Variants in STAB2 observed in about 807,000 individuals in gnomAD.
STAB2 encodes stabilin 2, also known as stabilin-2.
In STAB2, 288 loss-of-function variants were observed where a neutral mutation model predicts 338.1. The ratio of observed to expected loss-of-function variants is 0.85; its 90% CI spans 0.77 to 0.94. STAB2 has a LOEUF of 0.94. Among genes scored for constraint, STAB2 ranks in the 40% least tolerant of loss-of-function variants. STAB2 has a pLI of 0.00. For missense variants in STAB2, 3,141 were observed against 3,210.1 expected (o/e 0.98, Z 0.52); for synonymous variants, 1,202 against 1,193.3 (o/e 1.01, Z -0.15).
rs556520936 is a variant in STAB2 at position 103,655,398 on chromosome 12, A to G, written c.1609-58A>G. On this transcript the variant is annotated intron_variant, in intron 14 of 68. Coordinates refer to ENST00000388887, the MANE Select transcript of STAB2 (RefSeq NM_017564.10). ...GTCAATTATAAATTTCTGGCGAATT[A>G]TGTTAAATATTTGTCCAAGGTAGGC... 11 of 1,606,062 alleles carry G rather than the reference A, an allele frequency of 6.8e-6. No individual in the cohort carries two copies. The African/African-American group carries it at 1.1e-4, about 16-fold the overall frequency.
intron 59 of STAB2, among the ~76,000 whole-genome samples, chr12:103,749,500 A>G (rs1883394306): frequency 6.6e-6 from 1 of 151,996 alleles, no homozygotes; most frequent in Admixed American, 6.6e-5. Flanking sequence ...CCACCCTTCT[A>G]TCTATCTAAA....
intron 65 of STAB2, among the ~76,000 whole-genome samples, chr12:103,759,636 T>TA (rs1884394542): frequency 6.6e-6 from 1 of 152,234 alleles, no homozygotes; most frequent in Admixed American, 6.5e-5. Flanking sequence ...TGTAAGGACT[T>TA]AAACAAGTTA....
At chr12:103,605,654 G>A (rs1180503353) in intron 3 of STAB2, among the ~76,000 whole-genome samples, 2 of 151,730 alleles carry the variant, frequency 1.3e-5, no homozygotes, top group Non-Finnish European at 2.9e-5. Flanking sequence ...CTCTTATTAG[G>A]TCAATACATA....
intron 9 of STAB2, among the ~76,000 whole-genome samples, chr12:103,643,767 A>T (rs1873090888): frequency 6.6e-6 from 1 of 151,908 alleles, no homozygotes; most frequent in East Asian, 1.9e-4. Context: ...CCCTTATAAG[A>T]CTATGTAGCA....
chr12:103,758,241 C>A lies in STAB2; in HGVS notation c.7059C>A (p.Ile2353=). 1.2e-6 allele frequency: 2 copies of A among 1,614,126 alleles called. No homozygotes were observed. Among genetic ancestry groups the A allele is most frequent in the Non-Finnish European group, 1.7e-6 (2 of 1,180,026 alleles). Residue 2353 remains isoleucine, a synonymous_variant, in exon 64 of 69, where the codon ATC becomes ATA. Transcript: ENST00000388887. The part of the protein sequence containing the change: ...AFLEHLTDLS[I]RGTLFVPQNS... ...TAGAACACCTGACTGACCTGTCCATCCGCGGCACCCTCTTTGTGCCACAGA... is the reference window on the plus strand; with the variant it reads ...TAGAACACCTGACTGACCTGTCCATACGCGGCACCCTCTTTGTGCCACAGA...
In STAB2 at chr12:103,749,841, C is replaced by CAAAAAAAAAA. The variant is rs369556936; in HGVS notation, c.6438+707_6439-707dup. Among the ~76,000 whole-genome samples the CAAAAAAAAAA allele has an allele frequency of 2.6e-3, 135 of 51,162 alleles. 7 individuals carry two copies. Among genetic ancestry groups the CAAAAAAAAAA allele is most frequent in the East Asian group, 6.3e-3 (10 of 1,594 alleles). 33.6% of individuals were successfully genotyped at this position (51,162 alleles called of 152,430 possible). On this transcript the variant is annotated intron_variant, in intron 59 of 68. Transcript: ENST00000388887. ...GGTGACAGAGCAAGACTCTGTCTCA[C>CAAAAAAAAAA]AAAAAAAAAAAAAAAAAAAAAAAAA... is the stretch of plus-strand genomic sequence containing the variant.
chr12:103,680,189 A>T (rs1485609693), intron 25 of STAB2, among the ~76,000 whole-genome samples: 2 of 152,236 alleles, frequency 1.3e-5, no homozygotes, highest in Non-Finnish European at 2.9e-5. Context: ...AGATGAAAAC[A>T]AGTTTGGAGA....
intron 19 of STAB2, among the ~76,000 whole-genome samples, chr12:103,668,223 C>G (rs1043498958): frequency 7.9e-5 from 12 of 152,208 alleles, no homozygotes; most frequent in African/African-American, 2.9e-4. Flanking sequence ...CTCAGACTAT[C>G]ACAATTTTGT....
chr12:103,695,839 T>C lies in STAB2; in HGVS notation c.3577T>C (p.Ser1193Pro). Residue 1193 changes from serine (S) to proline (P), a missense_variant, in exon 33 of 69, where the codon TCT (serine) becomes CCT (proline). By Grantham distance (74) the Ser-to-Pro change is moderately conservative. Coordinates refer to ENST00000388887, the MANE Select transcript of STAB2 (RefSeq NM_017564.10). ...TTACATCAGGGAGAAGAAAGTCTTG[T>C]CTCTAGTAAGTGTCAAGAACTATAA... Reference protein sequence around the residue: ...ENYIREKKVLSLEEDVLRYHV... With the variant: ...ENYIREKKVLPLEEDVLRYHV... The C allele has an allele frequency of 6.2e-7, 1 of 1,613,940 alleles. No homozygotes were observed. The highest frequency in any genetic ancestry group is 8.5e-7 in the Non-Finnish European group (1 of 1,179,806).
chr12:103,764,337 T>C lies in STAB2; in HGVS notation c.7605+729T>C, dbSNP rs553413598. ...GTCAGAGCTGCTGCTTTCTTGCTTT[T>C]GGAGCTACTTTTCTTTGATGAGGCC... On this transcript the variant is annotated intron_variant, in intron 68 of 68. Coordinates refer to ENST00000388887, the MANE Select transcript of STAB2 (RefSeq NM_017564.10). Among the ~76,000 whole-genome samples, 4 of 152,360 alleles carry C rather than the reference T, an allele frequency of 2.6e-5. No individual in the cohort carries two copies. The South Asian group carries it at 8.3e-4, about 32-fold the overall frequency.
intron 44 of STAB2, among the ~76,000 whole-genome samples, chr12:103,720,171 T>C (rs1254944819): frequency 6.6e-6 from 1 of 152,174 alleles, no homozygotes; most frequent in Non-Finnish European, 1.5e-5. Flanking sequence ...ACTAGAACTA[T>C]GGCCAGCTTA....
At chr12:103,648,356 C>A (rs1353629082) in intron 9 of STAB2, among the ~76,000 whole-genome samples, 5 of 151,916 alleles carry the variant, frequency 3.3e-5, no homozygotes, top group Non-Finnish European at 5.9e-5. Context: ...GCAGTGGAGC[C>A]CTAGGGTCCA....
At chr12:103,647,147 C>T (rs1350757774) in intron 9 of STAB2, among the ~76,000 whole-genome samples, 1 of 152,184 alleles carries the variant, frequency 6.6e-6, no homozygotes, top group African/African-American at 2.4e-5. Context: ...TTTTAAAGCG[C>T]AGTCAGGAGA....
chr12:103,752,001 G>A (rs771443956), intron 60 of STAB2, among the ~76,000 whole-genome samples: 1 of 152,144 alleles, frequency 6.6e-6, no homozygotes, highest in Admixed American at 6.5e-5. Flanking sequence ...GTTCATAGGA[G>A]GGCAAACTGC....
chr12:103,655,109 A>G, intron 13 of STAB2, 142 bp from the exon 14 acceptor site: 1 of 785,310 alleles, frequency 1.3e-6, no homozygotes, highest in Non-Finnish European at 2.1e-6. Flanking sequence ...CATTTATATA[A>G]TGCATTGCAG....
intron 3 of STAB2, among the ~76,000 whole-genome samples, chr12:103,606,791 T>A (rs944123933): frequency 1.3e-5 from 2 of 152,162 alleles, no homozygotes; most frequent in Admixed American, 1.3e-4. Context: ...AAGACCATCC[T>A]GGCTAACATG....
intron 17 of STAB2, among the ~76,000 whole-genome samples, chr12:103,661,219 A>C (rs1269524036): frequency 4.2e-5 from 1 of 23,602 alleles, no homozygotes; most frequent in African/African-American, 1.4e-4. Context: ...GTTCCAGACA[A>C]AAAAAAAAAA....
At chr12:103,605,289 C>G (rs1016554607) in intron 3 of STAB2, among the ~76,000 whole-genome samples, 1 of 151,788 alleles carries the variant, frequency 6.6e-6, no homozygotes, top group Non-Finnish European at 1.5e-5. Context: ...AGAACACATA[C>G]ATTATTTGAA....
At chr12:103,764,021 T>C (rs1884734061) in intron 68 of STAB2, among the ~76,000 whole-genome samples, 2 of 152,092 alleles carry the variant, frequency 1.3e-5, no homozygotes, top group Non-Finnish European at 2.9e-5. Flanking sequence ...AGTCTCACTC[T>C]GTCACCCAGG....
Sources: allele counts gnomAD v4.1 joint callset (sites outside exome capture counted in the v4.1 genomes callset), GRCh38; gene constraint gnomAD v4.1.1; transcripts MANE v1.5; gene names NCBI Gene and HGNC (gene_info 2026-07-23, HGNC 2026-07-21).